Variants in THBS4 observed in about 807,000 individuals in gnomAD.
THBS4 encodes thrombospondin-4.
THBS4 carries 90 observed loss-of-function variants against 115.7 expected under a neutral mutation model. That is an observed-to-expected ratio of 0.78 (90% CI 0.66 to 0.93). The LOEUF is 0.93. Ranked by LOEUF, THBS4 falls within the 40% of genes least tolerant of loss-of-function variation. THBS4 has a pLI of 0.00. For synonymous variants in THBS4, 460 were observed against 479.3 expected, an observed-to-expected ratio of 0.96 and a Z score of 0.53; for missense variants, 1,087 against 1,232.7, an observed-to-expected ratio of 0.88 and a Z score of 1.77.
intron 2 of THBS4, among the ~76,000 whole-genome samples, chr5:80,029,723 G>T (rs1056674321): frequency 2.6e-4 from 39 of 152,078 alleles, no homozygotes; most frequent in African/African-American, 9.2e-4. Context: ...ACTTTGGGAG[G>T]CCGAGGCGGG....
In THBS4 at chr5:80,055,841, C is replaced by G. The variant is rs770279770; in HGVS notation, c.349C>G (p.Leu117Val). 4 of 1,614,062 alleles carry G rather than the reference C, an allele frequency of 2.5e-6. No homozygotes were observed. The highest frequency in any genetic ancestry group is 2.2e-5 in the East Asian group (1 of 44,902). Reference protein sequence around the residue: ...GKVHLVVFNNLQLADGRRHRI... With the variant: ...GKVHLVVFNNVQLADGRRHRI... The stretch of plus-strand genomic sequence containing the variant: ...GGTGCATTTGGTGGTTTTCAACAAC[C>G]TGCAGCTGGCAGACGGAAGGCGGCA... The change falls in exon 3 of 22, where the codon CTG (leucine) becomes GTG (valine). Residue 117 changes from leucine to valine, a missense_variant. Around this residue, in one of 3 missense-constraint regions of THBS4, gnomAD observed 979 missense variants for 1,103.7 expected, o/e 0.89. Coordinates refer to ENST00000350881, the MANE Select transcript of THBS4 (RefSeq NM_003248.6).
At chr5:80,049,640 A>G (rs1023287650) in intron 2 of THBS4, among the ~76,000 whole-genome samples, 3 of 152,170 alleles carry the variant, frequency 2.0e-5, no homozygotes, top group Admixed American at 2.0e-4. Context: ...TTCACTTCCC[A>G]TAAGTAGTTG....
At chr5:80,049,627 T>C (rs1183101773) in intron 2 of THBS4, among the ~76,000 whole-genome samples, 1 of 152,206 alleles carries the variant, frequency 6.6e-6, no homozygotes, top group East Asian at 1.9e-4. Context: ...TTATCTATTT[T>C]TTTTCACTTC....
chr5:80,072,532 G>C, intron 14 of THBS4, 136 bp downstream of exon 14: 2 of 774,520 alleles, frequency 2.6e-6, no homozygotes. Context: ...GTGGAAAAAT[G>C]ACACACTGTG....
intron 8 of THBS4, 26 bp from the exon 9 acceptor site, chr5:80,065,383 A>C (rs1243908498): frequency 6.2e-7 from 1 of 1,600,494 alleles, no homozygotes; most frequent in African/African-American, 1.3e-5. Flanking sequence ...GTCTCGCTAA[A>C]CTTTCTTTGA....
At chr5:80,012,785 C>T (rs1185581538) in intron 2 of THBS4, among the ~76,000 whole-genome samples, 2 of 152,218 alleles carry the variant, frequency 1.3e-5, no homozygotes, top group Non-Finnish European at 2.9e-5. Flanking sequence ...TATGCTGGAA[C>T]TAAGATCCAG....
At chr5:79,994,359 C>A (rs1304539489) in intron 1 of THBS4, among the ~76,000 whole-genome samples, 1 of 152,148 alleles carries the variant, frequency 6.6e-6, no homozygotes, top group Non-Finnish European at 1.5e-5. Context: ...TGTCATACTG[C>A]CTCATGTAGC....
At chr5:79,998,660 G>A (rs1453554008) in intron 2 of THBS4, among the ~76,000 whole-genome samples, 1 of 152,096 alleles carries the variant, frequency 6.6e-6, no homozygotes, top group African/African-American at 2.4e-5. Flanking sequence ...TACAATTGGG[G>A]GAAACATCCC....
chr5:80,026,168 C>T (rs2151160374), intron 2 of THBS4, among the ~76,000 whole-genome samples: 1 of 152,352 alleles, frequency 6.6e-6, no homozygotes, highest in African/African-American at 2.4e-5. Context: ...TTCCCTCCTA[C>T]TTCTCCTGAA....
chr5:80,063,321 C>T (rs1833703664), intron 8 of THBS4, among the ~76,000 whole-genome samples: 1 of 152,180 alleles, frequency 6.6e-6, no homozygotes, highest in Non-Finnish European at 1.5e-5. Context: ...CTGTTGGCTG[C>T]ATAACTGTCT....
At chr5:80,058,544 AT>A (rs3214681) in intron 4 of THBS4, among the ~76,000 whole-genome samples, 163 bp from the exon 5 acceptor site, 16 of 151,966 alleles carry the variant, frequency 1.1e-4, no homozygotes, top group South Asian at 4.2e-4. Context: ...CATTATCATT[AT>A]TTTTTTTAGC....
rs150043767 is a variant in THBS4, at chr5:80,040,214, G to T, written c.226G>T (p.Gly76Cys). 3 of 1,613,792 alleles carry T rather than the reference G, an allele frequency of 1.9e-6. No homozygotes were observed. The highest frequency in any genetic ancestry group is 1.3e-5 in the African/African-American group (1 of 74,808). Residue 76 changes from glycine to cysteine, a missense_variant, in exon 2 of 22, where the codon GGT (glycine) becomes TGT (cysteine). Gly to Cys is a radical substitution (Grantham distance 159). Around this residue, in one of 3 missense-constraint regions of THBS4, gnomAD observed 979 missense variants for 1,103.7 expected, o/e 0.89. Coordinates refer to ENST00000350881, the MANE Select transcript of THBS4 (RefSeq NM_003248.6). ...GACTAAAAGTTCAGCCACCATCTTC[G>T]GTCTTTACTCTTCAACTGACAACAG... ...LQTKSSATIF[G>C]LYSSTDNSKY...
chr5:80,072,835 G>A (rs1834118463), intron 14 of THBS4, among the ~76,000 whole-genome samples: 2 of 152,330 alleles, frequency 1.3e-5, no homozygotes, highest in Non-Finnish European at 1.5e-5. Context: ...TGGGTATGAT[G>A]TGTCATTTAT....
chr5:80,070,047 C>T, intron 10 of THBS4, among the ~76,000 whole-genome samples: 1 of 152,210 alleles, frequency 6.6e-6, no homozygotes, highest in Non-Finnish European at 1.5e-5. Flanking sequence ...CCTCCCATCT[C>T]CCTTCTGCTG....
At chr5:80,079,472 T>C (rs1240779598) in intron 19 of THBS4, among the ~76,000 whole-genome samples, 1 of 152,194 alleles carries the variant, frequency 6.6e-6, no homozygotes, top group Non-Finnish European at 1.5e-5. Context: ...CCAGCCTACA[T>C]GAGGTCAGAG....
At chr5:80,069,110 G>A (rs138915163) in intron 10 of THBS4, among the ~76,000 whole-genome samples, 8 of 152,300 alleles carry the variant, frequency 5.3e-5, no homozygotes, top group Non-Finnish European at 1.2e-4. Context: ...TCGGCCGGTG[G>A]CCCGTCAGAC....
upstream of THBS4, among the ~76,000 whole-genome samples, chr5:80,033,695 A>C (rs898222471): frequency 6.6e-6 from 1 of 152,238 alleles, no homozygotes. Context: ...CACACTACAC[A>C]AGAACTCTCA....
chr5:80,064,104 G>A lies in THBS4; in HGVS notation c.1126-1305G>A, dbSNP rs1423850408. 2.6e-5 allele frequency among the ~76,000 whole-genome samples: 4 copies of A among 152,298 alleles called. No individual in the cohort carries two copies. The East Asian group carries it at 7.7e-4, about 29-fold the overall frequency. On this transcript the variant is annotated intron_variant, in intron 8 of 21. Transcript: ENST00000350881. ...CACCTTATCAATTACAAGGAGACAG[G>A]AAACCTTTAGTAGCCCTAAGAAACA...
chr5:80,063,643 C>T (rs1833714081), intron 8 of THBS4, among the ~76,000 whole-genome samples: 1 of 152,036 alleles, frequency 6.6e-6, no homozygotes, highest in South Asian at 2.1e-4. Flanking sequence ...AAAGGGAGGC[C>T]AGCTAGACAT....
Sources: gnomAD v4.1 joint callset for allele counts (sites outside exome capture counted in the v4.1 genomes callset) on GRCh38, gnomAD v4.1.1 for gene constraint, gnomAD v4.1.1 regional missense constraint, MANE v1.5 for transcripts, NCBI Gene and HGNC (gene_info 2026-07-23, HGNC 2026-07-21) for gene names.